The following CELF4 variants were observed in gnomAD, a reference collection of about 807,000 sequenced individuals.
CELF4 encodes CUGBP Elav-like family member 4.
In CELF4, 18 loss-of-function variants were observed where a neutral mutation model predicts 59.9. That is an observed-to-expected ratio of 0.30 (90% CI 0.21 to 0.45). CELF4 has a LOEUF of 0.45. Ranked by LOEUF, CELF4 falls within the 20% of genes least tolerant of loss-of-function variation. The probability of loss-of-function intolerance (pLI) is 1.00; values close to 1 mark genes in which losing one functional copy is unlikely to be tolerated. For synonymous variants in CELF4, 261 were observed against 267.1 expected, an observed-to-expected ratio of 0.98 and a Z score of 0.22; for missense variants, 456 against 689.0, an observed-to-expected ratio of 0.66 and a Z score of 3.79.
intron 2 of CELF4, among the ~76,000 whole-genome samples, chr18:37,350,195 C>T (rs1486785223): frequency 1.3e-5 from 2 of 152,164 alleles, no homozygotes; most frequent in East Asian, 3.9e-4. Context: ...CCATTCTCCT[C>T]TGACAAATGC....
chr18:37,341,622 AGTG>A (rs917472412), intron 2 of CELF4, among the ~76,000 whole-genome samples: 2 of 152,110 alleles, frequency 1.3e-5, no homozygotes, highest in Non-Finnish European at 2.9e-5. Context: ...GGAAGCTCAG[AGTG>A]TCCTCTGCCC....
chr18:37,537,180 A>G (rs2099974190), intron 1 of CELF4, among the ~76,000 whole-genome samples: 1 of 152,288 alleles, frequency 6.6e-6, no homozygotes, highest in East Asian at 1.9e-4. Flanking sequence ...GCACTCAGTT[A>G]TCACCACCTT....
At chr18:37,535,585 T>A (rs1180913098) in intron 1 of CELF4, among the ~76,000 whole-genome samples, 1 of 152,204 alleles carries the variant, frequency 6.6e-6, no homozygotes, top group African/African-American at 2.4e-5. Flanking sequence ...CGCTCCCCTG[T>A]GTGCACATGT....
rs1368249072 is a variant in CELF4 at position 37,565,690 on chromosome 18, T to G, written c.-49A>C. The G allele has an allele frequency of 7.5e-7, 1 of 1,334,524 alleles. No homozygotes were observed. The highest frequency in any genetic ancestry group is 1.0e-6 in the Non-Finnish European group (1 of 1,002,120). The allele number at this position is 1,334,524 out of a possible 1,614,324, so 82.7% of individuals were successfully genotyped here. A position where few individuals can be genotyped will look rare whatever the true frequency, so the allele number is the denominator to read the frequency against. On this transcript the variant is annotated 5_prime_UTR_variant, in exon 1 of 13. Transcript: ENST00000420428. ...TTCTTTCTCGCTCACACTCTCTCGC[T>G]CCTCTCTCTCGCTCGCTCGCGCTCA...
At chr18:37,288,822 T>C (rs896541998) in intron 3 of CELF4, among the ~76,000 whole-genome samples, 1 of 152,144 alleles carries the variant, frequency 6.6e-6, no homozygotes, top group Admixed American at 6.5e-5. Flanking sequence ...TCTGTTGGTA[T>C]GTGACTGGCA....
chr18:37,464,340 T>C (rs935332451), intron 2 of CELF4, among the ~76,000 whole-genome samples: 1 of 152,124 alleles, frequency 6.6e-6, no homozygotes, highest in Non-Finnish European at 1.5e-5. Context: ...ACACTGCCTT[T>C]CTATCTGGGA....
intron 2 of CELF4, among the ~76,000 whole-genome samples, chr18:37,358,885 T>C (rs2154558743): frequency 6.6e-6 from 1 of 152,228 alleles, no homozygotes; most frequent in South Asian, 2.1e-4. Flanking sequence ...AGGTGGATCA[T>C]GAGGTCAGGA....
chr18:37,387,995 C>G (rs553178727), intron 2 of CELF4, among the ~76,000 whole-genome samples: 45 of 152,036 alleles, frequency 3.0e-4, no homozygotes, highest in Non-Finnish European at 5.9e-4. Flanking sequence ...TTCTGTGGCC[C>G]TCTGTGGCCT....
chr18:37,316,695 G>A (rs1443162471), intron 3 of CELF4, among the ~76,000 whole-genome samples: 3 of 151,914 alleles, frequency 2.0e-5, no homozygotes, highest in African/African-American at 7.3e-5. Flanking sequence ...CTTGCTCCAG[G>A]CCACAGTGAA....
chr18:37,505,315 C>G (rs2099936565), intron 1 of CELF4, among the ~76,000 whole-genome samples: 1 of 152,224 alleles, frequency 6.6e-6, no homozygotes, highest in East Asian at 1.9e-4. Context: ...CTTTCAGCAA[C>G]TTTTCTATTT....
intron 2 of CELF4, among the ~76,000 whole-genome samples, chr18:37,329,142 TCA>T (rs954674522): frequency 1.3e-5 from 2 of 152,360 alleles, no homozygotes; most frequent in East Asian, 1.9e-4. Flanking sequence ...CATCAAAATT[TCA>T]CAGTTTGTAT....
At chr18:37,444,400 G>A (rs966870669) in intron 2 of CELF4, among the ~76,000 whole-genome samples, 8 of 152,078 alleles carry the variant, frequency 5.3e-5, no homozygotes, top group African/African-American at 1.9e-4. Flanking sequence ...CCTGAGAGAG[G>A]CAACCGTGGG....
chr18:37,510,913 C>T (rs950555847), intron 1 of CELF4, among the ~76,000 whole-genome samples: 27 of 152,270 alleles, frequency 1.8e-4, no homozygotes, highest in African/African-American at 6.5e-4. Flanking sequence ...GGCAGCTCTG[C>T]CTTCCTGGGT....
intron 2 of CELF4, among the ~76,000 whole-genome samples, chr18:37,340,907 GAC>G (rs1299781354): frequency 1.3e-5 from 2 of 152,144 alleles, no homozygotes; most frequent in Admixed American, 6.5e-5. Flanking sequence ...TCATCTATTC[GAC>G]ATTGTTTCAG....
intron 3 of CELF4, among the ~76,000 whole-genome samples, chr18:37,314,660 C>T: frequency 6.9e-6 from 1 of 145,602 alleles, no homozygotes; most frequent in East Asian, 1.9e-4. Context: ...ACCACCCTGC[C>T]AGGGCCCCCT....
intron 2 of CELF4, among the ~76,000 whole-genome samples, chr18:37,360,674 C>T (rs2098689866): frequency 6.6e-6 from 1 of 152,192 alleles, no homozygotes; most frequent in Non-Finnish European, 1.5e-5. Context: ...TTCATGCCTG[C>T]AGGCTTCTTC....
chr18:37,491,865 G>A (rs1178196589), intron 1 of CELF4, among the ~76,000 whole-genome samples: 1 of 152,188 alleles, frequency 6.6e-6, no homozygotes, highest in Admixed American at 6.5e-5. Flanking sequence ...CAGTGCAGCA[G>A]AATTAATTGC....
intron 2 of CELF4, among the ~76,000 whole-genome samples, chr18:37,481,274 CATCCCT>C (rs1164374211): frequency 6.6e-6 from 1 of 152,190 alleles, no homozygotes; most frequent in African/African-American, 2.4e-5. Flanking sequence ...CCCCCACCCC[CATCCCT>C]GACCAGCTCT....
chr18:37,309,332 C>T (rs1347664929), intron 3 of CELF4, among the ~76,000 whole-genome samples: 1 of 152,188 alleles, frequency 6.6e-6, no homozygotes, highest in Non-Finnish European at 1.5e-5. Flanking sequence ...TCTCATTTTC[C>T]CCTCCATAAA....
Sources: gnomAD v4.1 joint callset for allele counts (sites outside exome capture counted in the v4.1 genomes callset) on GRCh38, gnomAD v4.1.1 for gene constraint, MANE v1.5 for transcripts, NCBI Gene and HGNC (gene_info 2026-07-23, HGNC 2026-07-21) for gene names.